RBFOX1: variants seen among roughly 807,000 people sequenced by gnomAD.
The protein encoded by RBFOX1 is RNA binding fox-1 homolog 1.
Under a neutral mutation model 57.7 loss-of-function variants are expected in RBFOX1, and 8 were observed. The ratio of observed to expected loss-of-function variants is 0.14; its 90% confidence interval spans 0.08 to 0.25. RBFOX1 has a LOEUF of 0.25. RBFOX1 is among the 10% of genes least tolerant of loss of function. The probability of loss-of-function intolerance (pLI) is 1.00; values close to 1 mark genes in which losing one functional copy is unlikely to be tolerated. For missense variants in RBFOX1, 611 were observed against 548.5 expected (o/e 1.11, Z -1.14); for synonymous variants, 326 against 222.4 (o/e 1.47, Z -4.15).
At chr16:6,226,722 C>T (rs74396271) in intron 1 of RBFOX1, among the ~76,000 whole-genome samples, 3,165 of 152,188 alleles carry the variant, frequency 0.021, 125 homozygotes, top group African/African-American at 0.072. Context: ...ATCTTGCTGG[C>T]TGTAGGCTTT....
At chr16:6,628,699 A>C (rs1402138782) in intron 2 of RBFOX1, among the ~76,000 whole-genome samples, 17 of 152,184 alleles carry the variant, frequency 1.1e-4, no homozygotes, top group Admixed American at 1.1e-3. Flanking sequence ...TGAAATATAC[A>C]AACCTTGAAG....
chr16:7,416,195 C>G (rs1177614197), intron 4 of RBFOX1, among the ~76,000 whole-genome samples: 1 of 152,102 alleles, frequency 6.6e-6, no homozygotes, highest in East Asian at 1.9e-4. Context: ...TGGGAAGTGA[C>G]AGATTCAATA....
intron 3 of RBFOX1, among the ~76,000 whole-genome samples, chr16:5,722,305 T>C (rs2051965654): frequency 6.6e-6 from 1 of 152,258 alleles, no homozygotes; most frequent in African/African-American, 2.4e-5. Flanking sequence ...CCCTTGTGAT[T>C]CACTGTTGTT....
In RBFOX1 at chr16:6,019,674, C is replaced by T. The variant is rs1369291569; in HGVS notation, c.-445C>T. On this transcript the variant is annotated 5_prime_UTR_variant, in exon 1 of 16. Transcript: ENST00000550418. The surrounding 1 kb of genome is among the most constrained non-coding windows in gnomAD (Gnocchi z 4.2). ...GTGGGCCCCGCCCCGGCGTCCGGAG[C>T]AGGAGAACTCCGAGCTTCTTGCCCA... is the stretch of plus-strand genomic sequence containing the variant. The T allele has an allele frequency of 1.5e-6, 2 of 1,327,574 alleles. No homozygotes were observed. The highest frequency in any genetic ancestry group is 1.9e-6 in the Non-Finnish European group (2 of 1,039,290). 82.2% of individuals were successfully genotyped at this position (1,327,574 alleles called of 1,614,324 possible). A position where few individuals can be genotyped will look rare whatever the true frequency, so the allele number is the denominator to read the frequency against.
At chr16:5,869,327 C>A (rs1181334549) in intron 4 of RBFOX1, among the ~76,000 whole-genome samples, 1 of 152,300 alleles carries the variant, frequency 6.6e-6, no homozygotes, top group African/African-American at 2.4e-5. Flanking sequence ...ATTCTTATAT[C>A]TGCATCTTAT....
intron 3 of RBFOX1, among the ~76,000 whole-genome samples, chr16:6,990,479 C>A (rs918483377): frequency 6.6e-6 from 1 of 151,970 alleles, no homozygotes; most frequent in Non-Finnish European, 1.5e-5. Context: ...GAGTTGAGAT[C>A]TCGCCACTGC....
chr16:5,295,257 C>G (rs1266930028), intron 1 of RBFOX1, among the ~76,000 whole-genome samples: 1 of 152,110 alleles, frequency 6.6e-6, no homozygotes, highest in Non-Finnish European at 1.5e-5. Flanking sequence ...GAGACTGAGA[C>G]CAGAACTCTG....
intron 3 of RBFOX1, among the ~76,000 whole-genome samples, chr16:6,677,411 T>A (rs908932478): frequency 2.0e-5 from 3 of 152,198 alleles, no homozygotes; most frequent in Non-Finnish European, 4.4e-5. Context: ...TGGAGGCCTA[T>A]TTTATTAGTC....
At chr16:6,882,797 G>C (rs537163511) in intron 3 of RBFOX1, among the ~76,000 whole-genome samples, 12 of 151,948 alleles carry the variant, frequency 7.9e-5, no homozygotes, top group African/African-American at 2.4e-4. Context: ...TGGCATTCCT[G>C]GGGGGTATCA....
At chr16:5,402,104 A>C (rs990212025) in intron 1 of RBFOX1, among the ~76,000 whole-genome samples, 12 of 152,000 alleles carry the variant, frequency 7.9e-5, no homozygotes, top group Non-Finnish European at 1.8e-4. Context: ...GGGGGCATTT[A>C]CCAGTCCCAG....
intron 1 of RBFOX1, among the ~76,000 whole-genome samples, chr16:6,122,379 C>G (rs561242464): frequency 6.9e-6 from 1 of 145,504 alleles, no homozygotes; most frequent in Non-Finnish European, 1.5e-5. Flanking sequence ...CACACACACA[C>G]ACACACACAC....
chr16:5,812,941 G>A (rs897871380), intron 3 of RBFOX1, among the ~76,000 whole-genome samples: 1 of 151,388 alleles, frequency 6.6e-6, no homozygotes, highest in African/African-American at 2.4e-5. Context: ...AAAATTTTGG[G>A]TTGTTGATTT....
intron 4 of RBFOX1, among the ~76,000 whole-genome samples, chr16:7,073,059 G>C (rs1257142574): frequency 6.6e-6 from 1 of 152,124 alleles, no homozygotes; most frequent in African/African-American, 2.4e-5. Flanking sequence ...CCAGGGTAGA[G>C]GTAGTACAGG....
At chr16:6,981,113 CTT>C (rs1253873026) in intron 3 of RBFOX1, among the ~76,000 whole-genome samples, 1 of 147,932 alleles carries the variant, frequency 6.8e-6, no homozygotes, top group South Asian at 2.2e-4. Flanking sequence ...TAAGTAAACT[CTT>C]TTTTTATTTT....
At chr16:5,575,277 G>T (rs1271124260) in intron 2 of RBFOX1, among the ~76,000 whole-genome samples, 2 of 152,136 alleles carry the variant, frequency 1.3e-5, no homozygotes, top group Non-Finnish European at 2.9e-5. Flanking sequence ...GCAAACCATT[G>T]ATCATTATCG....
chr16:5,967,305 T>C (rs958378653), intron 4 of RBFOX1, among the ~76,000 whole-genome samples: 1 of 152,228 alleles, frequency 6.6e-6, no homozygotes, highest in African/African-American at 2.4e-5. Context: ...ATGTATACAT[T>C]ATGTAACATT....
chr16:6,507,507 C>CAAAAAAA lies in RBFOX1; in HGVS notation c.-63-147084_-63-147078dup, dbSNP rs57685233. 2.1e-3 allele frequency among the ~76,000 whole-genome samples: 206 copies of CAAAAAAA among 97,094 alleles called. 10 individuals carry two copies. Among genetic ancestry groups the CAAAAAAA allele is most frequent in the Non-Finnish European group, 2.7e-3 (139 of 52,054 alleles). 63.7% of individuals were successfully genotyped at this position (97,094 alleles called of 152,430 possible). A position where few individuals can be genotyped will look rare whatever the true frequency, so the allele number is the denominator to read the frequency against. On this transcript the variant is annotated intron_variant, in intron 2 of 15. Coordinates refer to ENST00000550418, the MANE Select transcript of RBFOX1 (RefSeq NM_018723.4). ...GCAACATAACAAGACCCTATCTGTA[C>CAAAAAAA]AAAAAAAAAAAAAAAAAAGCCTGGC... is the stretch of plus-strand genomic sequence containing the variant.
Position 7,356,695 on chromosome 16 carries a change from A to C in RBFOX1, c.28-161452A>C, listed in dbSNP as rs2097220073. On this transcript the variant is annotated intron_variant, in intron 4 of 15. Coordinates refer to ENST00000550418, the MANE Select transcript of RBFOX1 (RefSeq NM_018723.4). The stretch of plus-strand genomic sequence containing the variant: ...GGCATTTGAAGTTCTGAAGTGCATG[A>C]ATACTTTGCTTTTTAAATAAGACAA... Among the ~76,000 whole-genome samples, 4 of 152,222 alleles carry C rather than the reference A, an allele frequency of 2.6e-5. No individual in the cohort carries two copies. The South Asian group carries it at 8.3e-4, about 31-fold the overall frequency.
chr16:6,161,196 C>G (rs2096876027), intron 1 of RBFOX1, among the ~76,000 whole-genome samples: 1 of 152,082 alleles, frequency 6.6e-6, no homozygotes, highest in East Asian at 1.9e-4. Flanking sequence ...GGAGACCAGC[C>G]TGGCCAACAT....
Sources: gnomAD v4.1 joint callset for allele counts (sites outside exome capture counted in the v4.1 genomes callset) on GRCh38, gnomAD v4.1.1 for gene constraint, Gnocchi (gnomAD v3.1) non-coding constraint, MANE v1.5 for transcripts, NCBI Gene and HGNC (gene_info 2026-07-23, HGNC 2026-07-21) for gene names.